Variants in SSPN observed in about 807,000 individuals in gnomAD.
SSPN encodes the protein sarcospan.
Under a neutral mutation model 19.1 loss-of-function variants are expected in SSPN, and 15 were observed. The observed-to-expected ratio is 0.78, with a 90% CI of 0.52 to 1.21. The LOEUF (loss-of-function observed/expected upper bound fraction) is 1.21, where lower values mean the gene tolerates loss of function less well. SSPN is among the 50% of genes most tolerant of loss of function. The pLI is 0.00. For missense variants in SSPN, 291 were observed against 314.0 expected, an observed-to-expected ratio of 0.93 and a Z score of 0.55; for synonymous variants, 147 against 140.3, an observed-to-expected ratio of 1.05 and a Z score of -0.34.
At chr12:26,124,253 G>GGGGGGCC in intron 1 of SSPN, 1 of 785,908 alleles carries the variant, frequency 1.3e-6, no homozygotes, top group East Asian at 2.8e-5. Context: ...ACCCTCGTCT[G>GGGGGGCC]CCCCCCCCGC....
intron 1 of SSPN, among the ~76,000 whole-genome samples, chr12:26,158,486 C>T (rs2137421963): frequency 6.6e-6 from 1 of 152,368 alleles, no homozygotes; most frequent in East Asian, 1.9e-4. Context: ...ACTGAGAAGG[C>T]TTGACTGCTT....
rs1416712507 is a variant in SSPN, at chr12:26,124,617, G to A, written c.-31+2465G>A. ...AGAAATCAGCATCAGGCACCCATTC[G>A]GGGAGGGGCTCTGCCCTCGCCAGCT... On this transcript the variant is annotated intron_variant, in intron 1 of 2. Coordinates refer to the SSPN transcript ENST00000538142. 5 of 1,613,264 alleles carry A rather than the reference G, an allele frequency of 3.1e-6. No homozygotes were observed. In the Admixed American group the frequency reaches 8.3e-5, roughly 27 times the overall value.
intron 1 of SSPN, among the ~76,000 whole-genome samples, chr12:26,204,151 A>T (rs545262725): frequency 2.0e-5 from 3 of 152,272 alleles, no homozygotes; most frequent in South Asian, 4.1e-4. Context: ...ACAGCTTATT[A>T]TTGAAAGCCC....
intron 1 of SSPN, among the ~76,000 whole-genome samples, chr12:26,212,640 C>G (rs963859088): frequency 3.3e-5 from 5 of 151,410 alleles, no homozygotes; most frequent in African/African-American, 1.2e-4. Flanking sequence ...GCAACTTTTA[C>G]TCTAATGAAA....
At chr12:26,219,930 C>T in intron 1 of SSPN, among the ~76,000 whole-genome samples, 1 of 152,108 alleles carries the variant, frequency 6.6e-6, no homozygotes. Flanking sequence ...CTTCACCTCA[C>T]CATATCTAAT....
At chr12:26,205,166 C>A (rs1000004037) in intron 1 of SSPN, among the ~76,000 whole-genome samples, 7 of 152,164 alleles carry the variant, frequency 4.6e-5, no homozygotes, top group African/African-American at 1.7e-4. Flanking sequence ...GAGCAACTCT[C>A]CCCTGGCTGG....
intron 1 of SSPN, chr12:26,124,223 A>T: frequency 5.4e-6 from 7 of 1,289,144 alleles, no homozygotes; most frequent in Non-Finnish European, 7.8e-6. Flanking sequence ...AGTAAGCGAA[A>T]CATTCACTTA....
At chr12:26,124,607 G>T (rs1944346525) in intron 1 of SSPN, 1 of 1,613,764 alleles carries the variant, frequency 6.2e-7, no homozygotes, top group African/African-American at 1.3e-5. Flanking sequence ...TCAGCATCAG[G>T]CACCCATTCG....
intron 1 of SSPN, among the ~76,000 whole-genome samples, chr12:26,146,822 A>AAAAAAAAAAAAG (rs1489930749): frequency 4.6e-5 from 7 of 151,632 alleles, no homozygotes; most frequent in Non-Finnish European, 7.4e-5. Context: ...GCTGTCTAAA[A>AAAAAAAAAAAAG]AAAAAAAAGA....
At chr12:26,132,698 C>A (rs1368091285) in intron 1 of SSPN, among the ~76,000 whole-genome samples, 2 of 152,218 alleles carry the variant, frequency 1.3e-5, no homozygotes, top group Non-Finnish European at 2.9e-5. Flanking sequence ...CAAGCATATA[C>A]AATTTCACTG....
At chr12:26,150,048 A>G (rs1386321820) in intron 1 of SSPN, among the ~76,000 whole-genome samples, 1 of 152,210 alleles carries the variant, frequency 6.6e-6, no homozygotes, top group African/African-American at 2.4e-5. Context: ...GTACTGTCTC[A>G]AACTTGCAGA....
chr12:26,130,130 T>G (rs1352722091), intron 1 of SSPN, among the ~76,000 whole-genome samples: 1 of 152,176 alleles, frequency 6.6e-6, no homozygotes, highest in Non-Finnish European at 1.5e-5. Context: ...TTTCACAAAG[T>G]GTTCTCTACC....
At chr12:26,124,252 T>TGGGGGGGGGGGGGGGGGGGGGGGGG (rs1944341937) in intron 1 of SSPN, 4 of 879,652 alleles carry the variant, frequency 4.5e-6, no homozygotes, top group Non-Finnish European at 3.6e-6. Context: ...TACCCTCGTC[T>TGGGGGGGGGGGGGGGGGGGGGGGGG]GCCCCCCCCG....
chr12:26,208,306 T>G (rs557985024), intron 1 of SSPN, among the ~76,000 whole-genome samples: 42 of 152,330 alleles, frequency 2.8e-4, no homozygotes, highest in African/African-American at 9.1e-4. Context: ...TTACCTATCT[T>G]ATTTGTGTGC....
upstream of SSPN, among the ~76,000 whole-genome samples, chr12:26,192,396 G>T (rs1944794757): frequency 6.6e-6 from 1 of 152,048 alleles, no homozygotes; most frequent in South Asian, 2.1e-4. Context: ...GTTCATTTCT[G>T]TTAAACTCTA....
intron 1 of SSPN, chr12:26,122,165 G>A (rs1414200845): frequency 1.2e-5 from 18 of 1,535,620 alleles, no homozygotes; most frequent in Admixed American, 2.0e-5. Flanking sequence ...GGGTGCGGCC[G>A]TGCGGGTGCT....
intron 1 of SSPN, among the ~76,000 whole-genome samples, chr12:26,206,110 A>G (rs977695569): frequency 6.6e-6 from 1 of 152,148 alleles, no homozygotes; most frequent in African/African-American, 2.4e-5. Context: ...ACCTCCCTGA[A>G]GCTTTGCTCC....
intron 1 of SSPN, chr12:26,126,739 A>G (rs1269614464): frequency 1.3e-5 from 2 of 152,446 alleles, no homozygotes; most frequent in Non-Finnish European, 2.9e-5. Context: ...GCGGCGGCCC[A>G]GGATCACCCC....
chr12:26,161,107 CA>C (rs35876807), intron 1 of SSPN, among the ~76,000 whole-genome samples: 43,265 of 97,690 alleles, frequency 0.44, 7,709 homozygotes, highest in Admixed American at 0.59. Flanking sequence ...GACTCTGTCT[CA>C]AAAAAAAAAA....
Sources: gnomAD v4.1 joint callset for allele counts (sites outside exome capture counted in the v4.1 genomes callset) on GRCh38, gnomAD v4.1.1 for gene constraint, MANE v1.5 for transcripts, NCBI Gene and HGNC (gene_info 2026-07-23, HGNC 2026-07-21) for gene names.